B3GALNT2: variants seen among roughly 807,000 people sequenced by gnomAD.
B3GALNT2 encodes the protein beta-1,3-N-acetylgalactosaminyltransferase 2.
B3GALNT2 carries 53 observed loss-of-function variants against 61.1 expected under a neutral mutation model. That is an observed-to-expected ratio of 0.87 (90% CI 0.70 to 1.09). The LOEUF is 1.09. Among genes scored for constraint, B3GALNT2 ranks in the 50% least tolerant of loss-of-function variants. The pLI is 0.00. For synonymous variants in B3GALNT2, 223 were observed against 237.4 expected, an observed-to-expected ratio of 0.94 and a Z score of 0.56; for missense variants, 544 against 623.0, an observed-to-expected ratio of 0.87 and a Z score of 1.35.
chr1:235,495,140 A>G (rs1010850986), intron 1 of B3GALNT2, among the ~76,000 whole-genome samples: 5 of 152,230 alleles, frequency 3.3e-5, no homozygotes, highest in African/African-American at 1.2e-4. Flanking sequence ...AAAAAATAGT[A>G]GGCATTAAGA....
At chr1:235,493,021 A>T (rs895230468) in intron 2 of B3GALNT2, among the ~76,000 whole-genome samples, 12 of 152,220 alleles carry the variant, frequency 7.9e-5, no homozygotes, top group Admixed American at 7.8e-4. Context: ...AATTTGACTA[A>T]TTTTAAAAGG....
intron 7 of B3GALNT2, among the ~76,000 whole-genome samples, chr1:235,461,853 G>A (rs917051402): frequency 1.3e-5 from 2 of 152,132 alleles, no homozygotes; most frequent in African/African-American, 2.4e-5. Flanking sequence ...TGGACTTTAC[G>A]ATAATGTAAA....
chr1:235,454,121 G>C (rs781682076), intron 10 of B3GALNT2, 35 bp downstream of exon 10: 2 of 1,550,916 alleles, frequency 1.3e-6, no homozygotes, highest in Admixed American at 3.7e-5. Flanking sequence ...TTACTGGCAA[G>C]AGCCACCACG....
intron 4 of B3GALNT2, among the ~76,000 whole-genome samples, chr1:235,481,901 T>C (rs1558431441): frequency 1.3e-5 from 2 of 152,220 alleles, no homozygotes; most frequent in Non-Finnish European, 2.9e-5. Flanking sequence ...CTTATATTTA[T>C]GTCTATAAAC....
intron 11 of B3GALNT2, 131 bp downstream of exon 11, chr1:235,452,959 T>C (rs1682997476): frequency 1.2e-6 from 1 of 823,354 alleles, no homozygotes; most frequent in East Asian, 2.5e-5. Context: ...GCAATTATTC[T>C]AAAATCCAAA....
At chr1:235,502,210 G>A (rs1245646325) in intron 1 of B3GALNT2, among the ~76,000 whole-genome samples, 2 of 152,048 alleles carry the variant, frequency 1.3e-5, no homozygotes, top group Non-Finnish European at 2.9e-5. Flanking sequence ...ACGGGGTTTC[G>A]CCATGTTGGC....
At chr1:235,502,626 A>G (rs1393452273) in intron 1 of B3GALNT2, among the ~76,000 whole-genome samples, 3 of 152,214 alleles carry the variant, frequency 2.0e-5, no homozygotes. Context: ...AAGTGCAGTA[A>G]GGGAGTAGGA....
chr1:235,467,356 T>TAAATAAAATA (rs771912617), intron 6 of B3GALNT2, among the ~76,000 whole-genome samples: 1 of 150,746 alleles, frequency 6.6e-6, no homozygotes, highest in African/African-American at 2.4e-5. Context: ...CTCAAAAAAA[T>TAAATAAAATA]AAATAAAATA....
chr1:235,463,371 T>C (rs1030195384), intron 7 of B3GALNT2: 12 of 151,834 alleles, frequency 7.9e-5, no homozygotes, highest in Non-Finnish European at 1.3e-4. Flanking sequence ...CCAAAACCGA[T>C]TGAAATTATA....
At chr1:235,487,691 G>A (rs573884688) in intron 3 of B3GALNT2, among the ~76,000 whole-genome samples, 162 of 152,274 alleles carry the variant, frequency 1.1e-3, no homozygotes, top group African/African-American at 3.7e-3. Flanking sequence ...AACATAATGG[G>A]AATTGCTAAT....
At chr1:235,461,441 C>T (rs1167147843) in intron 7 of B3GALNT2, among the ~76,000 whole-genome samples, 5 of 150,868 alleles carry the variant, frequency 3.3e-5, no homozygotes, top group Non-Finnish European at 5.9e-5. Context: ...GCCACTGCTG[C>T]GACCCTGATG....
At chr1:235,490,878 C>G (rs1386112880) in intron 2 of B3GALNT2, among the ~76,000 whole-genome samples, 2 of 152,076 alleles carry the variant, frequency 1.3e-5, no homozygotes, top group Non-Finnish European at 2.9e-5. Flanking sequence ...CTTTCCCCCA[C>G]TCTGTGTTCA....
chr1:235,443,110 C>T (rs570627275), downstream of B3GALNT2: 49 of 602,968 alleles, frequency 8.1e-5, no homozygotes, highest in South Asian at 9.4e-4. Flanking sequence ...CAGGTCTCCC[C>T]TAACTTTATC....
At chr1:235,491,737 C>T (rs1276937736) in intron 2 of B3GALNT2, among the ~76,000 whole-genome samples, 2 of 152,114 alleles carry the variant, frequency 1.3e-5, no homozygotes, top group South Asian at 2.1e-4. Flanking sequence ...CAACAGGTCT[C>T]GTCCTTCCAC....
chr1:235,488,284 G>A (rs1293372018), intron 3 of B3GALNT2, among the ~76,000 whole-genome samples: 1 of 152,034 alleles, frequency 6.6e-6, no homozygotes, highest in South Asian at 2.1e-4. Flanking sequence ...TAAGCATAAG[G>A]AACTTCCAAA....
intron 4 of B3GALNT2, among the ~76,000 whole-genome samples, chr1:235,483,261 T>C (rs1342333221): frequency 6.6e-6 from 1 of 152,192 alleles, no homozygotes; most frequent in African/African-American, 2.4e-5. Context: ...TCTTGTGATC[T>C]GCAGGACAAT....
intron 5 of B3GALNT2, among the ~76,000 whole-genome samples, chr1:235,471,297 C>T (rs1643729676): frequency 6.6e-6 from 1 of 152,166 alleles, no homozygotes; most frequent in Admixed American, 6.5e-5. Context: ...AGCAGATACA[C>T]CCTGATTTAC....
chr1:235,459,215 G>C (rs1683304531), intron 7 of B3GALNT2, among the ~76,000 whole-genome samples: 2 of 151,562 alleles, frequency 1.3e-5, no homozygotes, highest in Non-Finnish European at 1.5e-5. Flanking sequence ...AAATTACCCT[G>C]ATCTTGCATG....
chr1:235,484,291 A>C, intron 4 of B3GALNT2, 31 bp downstream of exon 4: 1 of 1,535,294 alleles, frequency 6.5e-7, no homozygotes, highest in Non-Finnish European at 8.7e-7. Flanking sequence ...AAAAGAAAAA[A>C]GAGAAAAAAC....
Sources: gnomAD v4.1 joint callset for allele counts (sites outside exome capture counted in the v4.1 genomes callset) on GRCh38, gnomAD v4.1.1 for gene constraint, MANE v1.5 for transcripts, NCBI Gene and HGNC (gene_info 2026-07-23, HGNC 2026-07-21) for gene names.